THRB: variants seen among roughly 807,000 people sequenced by gnomAD.
The protein encoded by THRB is thyroid hormone receptor beta, also known as nuclear receptor subfamily 1 group A member 2.
THRB carries 12 observed loss-of-function variants against 47.8 expected under a neutral mutation model. The observed-to-expected ratio is 0.25, with a 90% confidence interval of 0.16 to 0.41. THRB has a LOEUF of 0.41. Ranked by LOEUF, THRB falls within the 10% of genes least tolerant of loss-of-function variation. THRB has a pLI of 1.00. For missense variants in THRB, 348 were observed against 589.2 expected (o/e 0.59, Z 4.24); for synonymous variants, 218 against 212.2 (o/e 1.03, Z -0.24).
intron 4 of THRB, among the ~76,000 whole-genome samples, chr3:24,191,370 A>G (rs1435583127): frequency 6.6e-6 from 1 of 152,016 alleles, no homozygotes; most frequent in Non-Finnish European, 1.5e-5. Flanking sequence ...AAAAAATATA[A>G]TATAAATATG....
intron 1 of THRB, among the ~76,000 whole-genome samples, chr3:24,475,224 C>T (rs1010811328): frequency 5.3e-5 from 8 of 151,214 alleles, no homozygotes; most frequent in East Asian, 1.9e-4. Flanking sequence ...ACAACAAATA[C>T]GAATAGCTAT....
chr3:24,360,750 T>G (rs1046469178), intron 1 of THRB, among the ~76,000 whole-genome samples: 8 of 152,292 alleles, frequency 5.3e-5, no homozygotes, highest in Admixed American at 5.2e-4. Context: ...ATATCCGGTA[T>G]AGTTGTTTAT....
At chr3:24,433,897 C>T (rs1010158608) in intron 1 of THRB, among the ~76,000 whole-genome samples, 1 of 152,148 alleles carries the variant, frequency 6.6e-6, no homozygotes, top group Admixed American at 6.5e-5. Context: ...GCTGAGGGTC[C>T]TGACAGCTGC....
intron 1 of THRB, among the ~76,000 whole-genome samples, chr3:24,372,281 C>T (rs990651279): frequency 3.9e-5 from 6 of 152,012 alleles, no homozygotes; most frequent in Admixed American, 6.6e-5. Context: ...TTCAAGCTAC[C>T]AACATGATGT....
intron 1 of THRB, among the ~76,000 whole-genome samples, chr3:24,405,448 A>T (rs1374079175): frequency 6.6e-6 from 1 of 151,952 alleles, no homozygotes; most frequent in Admixed American, 6.6e-5. Flanking sequence ...TTTGCCCTTT[A>T]CAGAAAAAGT....
chr3:24,209,320 T>C (rs573030082), intron 4 of THRB, among the ~76,000 whole-genome samples: 1 of 152,208 alleles, frequency 6.6e-6, no homozygotes, highest in African/African-American at 2.4e-5. Flanking sequence ...GCCATCCCAT[T>C]ACTGGGTATA....
At chr3:24,300,579 G>A (rs1423492292) in intron 2 of THRB, among the ~76,000 whole-genome samples, 3 of 152,078 alleles carry the variant, frequency 2.0e-5, no homozygotes, top group African/African-American at 7.2e-5. Context: ...GGTCATATAT[G>A]ATATCTCCCT....
intron 1 of THRB, among the ~76,000 whole-genome samples, chr3:24,399,158 C>G (rs1187459945): frequency 1.3e-5 from 2 of 151,186 alleles, no homozygotes; most frequent in African/African-American, 4.9e-5. Flanking sequence ...AGCACACCAA[C>G]ATGGCACATG....
chr3:24,414,743 A>G (rs966744129), intron 1 of THRB, among the ~76,000 whole-genome samples: 1 of 151,872 alleles, frequency 6.6e-6, no homozygotes, highest in Non-Finnish European at 1.5e-5. Context: ...AGAGAGATGC[A>G]TTATATTAGG....
At chr3:24,402,638 T>C (rs1308319111) in intron 1 of THRB, among the ~76,000 whole-genome samples, 1 of 151,806 alleles carries the variant, frequency 6.6e-6, no homozygotes, top group African/African-American at 2.4e-5. Context: ...AATTAGGATA[T>C]ACAATGACTA....
chr3:24,489,821 T>TC (rs368550931), intron 1 of THRB, among the ~76,000 whole-genome samples: 4 of 151,766 alleles, frequency 2.6e-5, no homozygotes, highest in Non-Finnish European at 4.4e-5. Flanking sequence ...ATTTGGATAC[T>TC]CCCCCCCACT....
intron 2 of THRB, among the ~76,000 whole-genome samples, chr3:24,302,332 GT>G (rs2057002995): frequency 6.6e-6 from 1 of 152,016 alleles, no homozygotes; most frequent in South Asian, 2.1e-4. Context: ...TTCTTGTTTT[GT>G]TTTTTAAATA....
intron 2 of THRB, among the ~76,000 whole-genome samples, chr3:24,320,935 G>A (rs2149290817): frequency 6.6e-6 from 1 of 152,240 alleles, no homozygotes; most frequent in East Asian, 1.9e-4. Flanking sequence ...CAAAGAAGAT[G>A]ACAGAAAGAG....
intron 5 of THRB, among the ~76,000 whole-genome samples, chr3:24,153,549 T>G (rs2037343744): frequency 7.2e-5 from 11 of 152,176 alleles, no homozygotes; most frequent in Admixed American, 7.2e-4. Flanking sequence ...ACAATGAGTT[T>G]ATTAGTTTAA....
intron 4 of THRB, among the ~76,000 whole-genome samples, chr3:24,194,250 G>A (rs557747658): frequency 7.2e-5 from 11 of 152,250 alleles, no homozygotes; most frequent in Non-Finnish European, 1.3e-4. Context: ...AACACCACAT[G>A]TTCCCCAAAA....
At chr3:24,480,265 G>C (rs1201184821) in intron 1 of THRB, among the ~76,000 whole-genome samples, 1 of 152,158 alleles carries the variant, frequency 6.6e-6, no homozygotes, top group African/African-American at 2.4e-5. Context: ...TGATCCTCAG[G>C]TTCCTCTGAT....
rs117852160 is a variant in THRB at position 24,247,747 on chromosome 3, C to A, written c.-42-18746G>T. On this transcript the variant is annotated intron_variant, in intron 3 of 10. Coordinates refer to ENST00000646209, the MANE Select transcript of THRB (RefSeq NM_001354712.2). ...AAGTCAGGACCCAAAAATATGCCTCCTGACCCCAAATCCAAGCTTCTTTGT... is the reference window on the plus strand; with the variant it reads ...AAGTCAGGACCCAAAAATATGCCTCATGACCCCAAATCCAAGCTTCTTTGT... 5.1e-4 allele frequency among the ~76,000 whole-genome samples: 78 copies of A among 152,246 alleles called. 1 individual carries two copies. In the East Asian group the frequency reaches 0.015, roughly 29 times the overall value.
At chr3:24,415,466 T>C (rs2068659492) in intron 1 of THRB, among the ~76,000 whole-genome samples, 1 of 151,876 alleles carries the variant, frequency 6.6e-6, no homozygotes, top group Non-Finnish European at 1.5e-5. Flanking sequence ...CTACAATAAA[T>C]TTAGTGCTCT....
At chr3:24,432,168 A>G (rs2070494981) in intron 1 of THRB, among the ~76,000 whole-genome samples, 1 of 152,106 alleles carries the variant, frequency 6.6e-6, no homozygotes, top group Non-Finnish European at 1.5e-5. Flanking sequence ...TATACGTTAT[A>G]AGATGTACAT....
Sources: allele counts gnomAD v4.1 joint callset (sites outside exome capture counted in the v4.1 genomes callset), GRCh38; gene constraint gnomAD v4.1.1; transcripts MANE v1.5; gene names NCBI Gene and HGNC (gene_info 2026-07-23, HGNC 2026-07-21).